The following IQGAP2 variants were observed in gnomAD, a reference collection of about 807,000 sequenced individuals.
IQGAP2 encodes the protein ras GTPase-activating-like protein IQGAP2.
IQGAP2 carries 173 observed loss-of-function variants against 201.3 expected under a neutral mutation model. That is an observed-to-expected ratio of 0.86 (90% CI 0.76 to 0.98). IQGAP2 has a LOEUF of 0.98. Among genes scored for constraint, IQGAP2 ranks in the 50% least tolerant of loss-of-function variants. The probability of loss-of-function intolerance (pLI) is 0.00; values close to 1 mark genes in which losing one functional copy is unlikely to be tolerated. For synonymous variants in IQGAP2, 675 were observed against 673.9 expected, an observed-to-expected ratio of 1.00 and a Z score of -0.03; for missense variants, 1,687 against 1,864.8, an observed-to-expected ratio of 0.90 and a Z score of 1.76.
rs1454983651 is a variant in IQGAP2 at position 76,606,220 on chromosome 5, C to T, written c.1274C>T (p.Ser425Phe). The T allele has an allele frequency of 1.9e-6, 3 of 1,605,054 alleles. No individual in the cohort carries two copies. The highest frequency in any genetic ancestry group is 2.6e-6 in the Non-Finnish European group (3 of 1,174,168). The change falls in exon 12 of 36, where the codon TCC (serine) becomes TTC (phenylalanine). Residue 425 changes from serine to phenylalanine, a missense_variant. Ser to Phe is a radical substitution (Grantham distance 155, BLOSUM62 -2). Transcript: ENST00000274364. ...CTCTCTGTTAAACTAGAAGTTTTATCCCAAGGGCAAGATAACTTAAGCTGG... is the reference window on the plus strand; with the variant it reads ...CTCTCTGTTAAACTAGAAGTTTTATTCCAAGGGCAAGATAACTTAAGCTGG... Reference protein sequence around the residue: ...TLLSVKLEVLSQGQDNLSWNE... With the variant: ...TLLSVKLEVLFQGQDNLSWNE...
chr5:76,520,783 C>A (rs1580373112), intron 2 of IQGAP2, among the ~76,000 whole-genome samples: 1 of 149,312 alleles, frequency 6.7e-6, no homozygotes, highest in East Asian at 2.0e-4. Context: ...TCTCGGCTCA[C>A]TGCCGACTCC....
intron 32 of IQGAP2, among the ~76,000 whole-genome samples, chr5:76,697,693 A>G (rs1294811869): frequency 6.6e-6 from 1 of 152,144 alleles, no homozygotes; most frequent in East Asian, 1.9e-4. Context: ...TTAAAACGCA[A>G]TTTTTCCTTA....
intron 2 of IQGAP2, among the ~76,000 whole-genome samples, chr5:76,520,343 G>A (rs566188803): frequency 1.4e-4 from 21 of 152,264 alleles, no homozygotes; most frequent in African/African-American, 5.1e-4. Context: ...ACCATATTTA[G>A]TAGAGACGGG....
intron 28 of IQGAP2, 48 bp downstream of exon 28, chr5:76,677,398 C>T: frequency 6.3e-7 from 1 of 1,579,780 alleles, no homozygotes; most frequent in East Asian, 2.2e-5. Context: ...ATGATTTAGG[C>T]ATCTGTTATC....
chr5:76,580,870 T>C (rs1745802770), intron 5 of IQGAP2, among the ~76,000 whole-genome samples: 1 of 152,216 alleles, frequency 6.6e-6, no homozygotes, highest in South Asian at 2.1e-4. Context: ...GTCATGTGTT[T>C]ATATTAATTT....
intron 2 of IQGAP2, among the ~76,000 whole-genome samples, chr5:76,514,825 T>C (rs777072422): frequency 3.9e-5 from 6 of 152,238 alleles, no homozygotes; most frequent in Non-Finnish European, 8.8e-5. Flanking sequence ...CACCTTGGTT[T>C]TTGAATCACC....
At chr5:76,415,094 C>A (rs920076697) in intron 1 of IQGAP2, among the ~76,000 whole-genome samples, 49 of 152,080 alleles carry the variant, frequency 3.2e-4, no homozygotes, top group Admixed American at 3.9e-4. Flanking sequence ...TTAGAAGTTG[C>A]CTTTGGGAAG....
At chr5:76,576,183 A>G (rs1223049179) in intron 5 of IQGAP2, among the ~76,000 whole-genome samples, 1 of 146,340 alleles carries the variant, frequency 6.8e-6, no homozygotes, top group Non-Finnish European at 1.5e-5. Context: ...ATTATAATTT[A>G]GTTCAATTCT....
intron 2 of IQGAP2, among the ~76,000 whole-genome samples, chr5:76,557,722 T>C (rs1020798730): frequency 6.6e-6 from 1 of 152,230 alleles, no homozygotes; most frequent in African/African-American, 2.4e-5. Context: ...GAGCAGTTCA[T>C]AATGTCATAA....
In IQGAP2 at chr5:76,430,857, G is replaced by C. The variant is rs554831002; in HGVS notation, c.46+27266G>C. Among the ~76,000 whole-genome samples, 4 of 152,268 alleles carry C rather than the reference G, an allele frequency of 2.6e-5. No individual in the cohort carries two copies. In the East Asian group the frequency reaches 5.8e-4, roughly 22 times the overall value. On this transcript the variant is annotated intron_variant, in intron 1 of 35. Transcript: ENST00000274364. ...GAATTAATGAAAATAATTGCGTTCAGTAGCAAAATTCAAGTTAACCTAAAT... is the reference window on the plus strand; with the variant it reads ...GAATTAATGAAAATAATTGCGTTCACTAGCAAAATTCAAGTTAACCTAAAT...
chr5:76,551,579 G>T (rs1351362861), intron 2 of IQGAP2, among the ~76,000 whole-genome samples: 3 of 152,128 alleles, frequency 2.0e-5, no homozygotes, highest in Non-Finnish European at 2.9e-5. Context: ...AGCACTGAGT[G>T]AGCGAGACTC....
chr5:76,529,590 T>C (rs1048467793), intron 2 of IQGAP2, among the ~76,000 whole-genome samples: 1 of 151,064 alleles, frequency 6.6e-6, no homozygotes, highest in Non-Finnish European at 1.5e-5. Context: ...ATCGCGCCAC[T>C]GCACTTCAGC....
chr5:76,605,346 G>A (rs1747728330), intron 11 of IQGAP2, among the ~76,000 whole-genome samples: 1 of 152,000 alleles, frequency 6.6e-6, no homozygotes, highest in Admixed American at 6.6e-5. Context: ...TGGGTGAGAG[G>A]GCCATTTTTA....
chr5:76,427,871 G>A (rs1752102042), intron 1 of IQGAP2, among the ~76,000 whole-genome samples: 1 of 152,376 alleles, frequency 6.6e-6, no homozygotes, highest in South Asian at 2.1e-4. Context: ...TCAGCAATCT[G>A]TTGTGTGCGG....
intron 17 of IQGAP2, among the ~76,000 whole-genome samples, chr5:76,649,400 A>C (rs746745859): frequency 6.6e-6 from 1 of 152,258 alleles, no homozygotes; most frequent in Non-Finnish European, 1.5e-5. Context: ...TGTTACCAGC[A>C]AACTTCCCTC....
At chr5:76,508,700 G>GTT (rs1039460750) in intron 2 of IQGAP2, among the ~76,000 whole-genome samples, 4 of 142,590 alleles carry the variant, frequency 2.8e-5, no homozygotes, top group Non-Finnish European at 6.2e-5. Flanking sequence ...GTTTTGTTTT[G>GTT]TTTTTTTTTT....
chr5:76,493,321 A>C (rs1756678552), intron 2 of IQGAP2, among the ~76,000 whole-genome samples: 1 of 132,792 alleles, frequency 7.5e-6, no homozygotes, highest in East Asian at 2.2e-4. Flanking sequence ...CAGCCCAGCC[A>C]CTCTGAGCAC....
intron 1 of IQGAP2, among the ~76,000 whole-genome samples, chr5:76,443,959 C>G (rs114053755): frequency 2.0e-5 from 3 of 152,124 alleles, no homozygotes; most frequent in African/African-American, 2.4e-5. Flanking sequence ...CAAGTCTAAA[C>G]TTGTGTGTAA....
intron 2 of IQGAP2, among the ~76,000 whole-genome samples, chr5:76,471,386 A>T (rs1310114981): frequency 1.5e-5 from 2 of 136,810 alleles, no homozygotes; most frequent in African/African-American, 5.3e-5. Context: ...AAAAAAAAAA[A>T]CACCCTTCCC....
Sources: allele counts gnomAD v4.1 joint callset (sites outside exome capture counted in the v4.1 genomes callset), GRCh38; gene constraint gnomAD v4.1.1; transcripts MANE v1.5; gene names NCBI Gene and HGNC (gene_info 2026-07-23, HGNC 2026-07-21).